RANBP2: variants seen among roughly 807,000 people sequenced by gnomAD.
The protein encoded by RANBP2 is E3 SUMO-protein ligase RanBP2.
In RANBP2, 57 loss-of-function variants were observed where a neutral mutation model predicts 303.6. The observed-to-expected ratio is 0.19, with a 90% CI of 0.15 to 0.23. The LOEUF is 0.23. Among genes scored for constraint, RANBP2 ranks in the 10% least tolerant of loss-of-function variants. RANBP2 has a pLI of 1.00. For missense variants in RANBP2, 3,138 were observed against 3,780.8 expected (o/e 0.83, Z 4.46); for synonymous variants, 1,167 against 1,301.5 (o/e 0.90, Z 2.23).
chr2:109,493,539 TCA>T, the RANBP2 span, among the ~76,000 whole-genome samples: 1 of 146,390 alleles, frequency 6.8e-6, no homozygotes, highest in African/African-American at 2.6e-5. Context: ...CCCACACCCT[TCA>T]CACACCATAC....
At chr2:108,906,244 C>T in the RANBP2 span, 483 of 1,575,060 alleles carry the variant, frequency 3.1e-4, 5 homozygotes, top group South Asian at 4.6e-3. Context: ...CTCAGGGCTC[C>T]GGGCCCAGCC....
the RANBP2 span, among the ~76,000 whole-genome samples, chr2:109,018,350 G>A: frequency 1.3e-5 from 2 of 152,166 alleles, no homozygotes; most frequent in Non-Finnish European, 2.9e-5. Context: ...GCCTTGTCTG[G>A]TAGGCTGTCA....
At chr2:109,074,041 G>A in the RANBP2 span, among the ~76,000 whole-genome samples, 1 of 150,656 alleles carries the variant, frequency 6.6e-6, no homozygotes, top group Admixed American at 6.6e-5. Context: ...GAGAAAAAGA[G>A]GGACAAAAGA....
the RANBP2 span, among the ~76,000 whole-genome samples, chr2:109,347,262 G>A: frequency 1.8e-4 from 28 of 152,252 alleles, no homozygotes; most frequent in Non-Finnish European, 3.5e-4. Flanking sequence ...AAGAAATTCC[G>A]AGCCCAGACC....
the RANBP2 span, among the ~76,000 whole-genome samples, chr2:109,741,699 G>A: frequency 7.9e-6 from 1 of 127,348 alleles, no homozygotes; most frequent in Non-Finnish European, 1.7e-5. Context: ...CAGCCTGGGC[G>A]ACAGAGAAAA....
At chr2:108,788,738 A>G, downstream of RANBP2, 9 of 1,434,924 alleles carry the variant, frequency 6.3e-6, no homozygotes, top group Non-Finnish European at 8.3e-6. Context: ...AAAAAGAAAA[A>G]AAAATTTGAG....
the RANBP2 span, among the ~76,000 whole-genome samples, chr2:108,808,802 AT>A: frequency 1.3e-5 from 2 of 151,892 alleles, no homozygotes; most frequent in African/African-American, 2.4e-5. Context: ...TGCAGGTTGT[AT>A]CATTATTCTT....
chr2:109,188,207 C>T, the RANBP2 span, among the ~76,000 whole-genome samples: 2 of 152,356 alleles, frequency 1.3e-5, no homozygotes, highest in South Asian at 4.1e-4. Context: ...AAGGGCTTTC[C>T]TGCTGCAGCT....
chr2:109,610,257 T>A, the RANBP2 span, among the ~76,000 whole-genome samples: 8 of 152,204 alleles, frequency 5.3e-5, no homozygotes, highest in African/African-American at 1.7e-4. Context: ...CCCAGCTAAT[T>A]TCCTGTATTT....
the RANBP2 span, among the ~76,000 whole-genome samples, chr2:109,368,166 G>A: frequency 6.6e-6 from 1 of 152,022 alleles, no homozygotes; most frequent in Non-Finnish European, 1.5e-5. Flanking sequence ...CCTTTCCACT[G>A]TTTTTTTAAG....
chr2:108,989,754 C>T, the RANBP2 span, among the ~76,000 whole-genome samples: 7 of 151,982 alleles, frequency 4.6e-5, no homozygotes, highest in African/African-American at 1.2e-4. Context: ...TTTGAAACAT[C>T]AACATTTTGA....
At chr2:109,088,377 ACAGAGCAAGATTC>A in the RANBP2 span, among the ~76,000 whole-genome samples, 4 of 127,252 alleles carry the variant, frequency 3.1e-5, no homozygotes, top group Non-Finnish European at 6.4e-5. Flanking sequence ...AGCCTGGGTG[ACAGAGCAAGATTC>A]CATCTCAAAA....
At chr2:109,564,293 A>C in the RANBP2 span, 1 of 1,337,330 alleles carries the variant, frequency 7.5e-7, no homozygotes, top group African/African-American at 1.5e-5. Flanking sequence ...ATGCCCCATC[A>C]TCCTGGATAT....
chr2:108,779,238 C>G (rs551114795), intron 25 of RANBP2, among the ~76,000 whole-genome samples: 1 of 152,182 alleles, frequency 6.6e-6, no homozygotes, highest in Non-Finnish European at 1.5e-5. Context: ...TCTCAGTTTA[C>G]TGCAACCTCT....
the RANBP2 span, among the ~76,000 whole-genome samples, chr2:109,731,426 A>C: frequency 6.6e-6 from 1 of 150,442 alleles, no homozygotes; most frequent in South Asian, 2.1e-4. Context: ...ATGGAGTCTC[A>C]CTCTGTTGCC....
the RANBP2 span, among the ~76,000 whole-genome samples, chr2:109,697,101 TTCTC>T: frequency 2.0e-5 from 3 of 152,190 alleles, no homozygotes; most frequent in Non-Finnish European, 4.4e-5. Context: ...AAAAAAAAGT[TTCTC>T]TCAGTGTCTT....
chr2:109,129,817 C>T, the RANBP2 span: 1 of 1,537,836 alleles, frequency 6.5e-7, no homozygotes. Context: ...CCACGAGCTG[C>T]GCTGCCCCGA....
chr2:108,883,352 A>G, the RANBP2 span: 2 of 152,174 alleles, frequency 1.3e-5, no homozygotes, highest in Non-Finnish European at 2.9e-5. Flanking sequence ...AATGTGCACT[A>G]TTTACTGAGC....
chr2:109,150,632 C>T, the RANBP2 span, among the ~76,000 whole-genome samples: 113 of 152,120 alleles, frequency 7.4e-4, no homozygotes, highest in African/African-American at 2.5e-3. Context: ...GCTGGTGAAT[C>T]GTGGAGCTGG....
Sources: gnomAD v4.1 joint callset for allele counts (sites outside exome capture counted in the v4.1 genomes callset) on GRCh38, gnomAD v4.1.1 for gene constraint, MANE v1.5 for transcripts, NCBI Gene and HGNC (gene_info 2026-07-23, HGNC 2026-07-21) for gene names.